Variants in OR9Q1 observed in about 807,000 individuals in gnomAD.
OR9Q1 encodes olfactory receptor 9Q1.
For missense variants in OR9Q1, 374 were observed against 378.8 expected (o/e 0.99, Z 0.11); for synonymous variants, 153 against 148.6 (o/e 1.03, Z -0.22).
chr11:58,087,743 G>A (rs1321359792), intron 2 of OR9Q1, among the ~76,000 whole-genome samples: 1 of 151,278 alleles, frequency 6.6e-6, no homozygotes, highest in East Asian at 1.9e-4. Flanking sequence ...AGGCCCCGGT[G>A]TGTGAGGTTC....
Position 58,163,936 on chromosome 11 carries a change from G to A in OR9Q1, c.-14-15495G>A, listed in dbSNP as rs1175745672. On this transcript the variant is annotated intron_variant, in intron 2 of 2. Transcript: ENST00000335397. ...GGCCCAACTGGGTGTACAGCTTTTA[G>A]AAATGGAGATTGAAGAGAAACCTTC... 3.9e-5 allele frequency among the ~76,000 whole-genome samples: 6 copies of A among 152,318 alleles called. No individual in the cohort carries two copies. The East Asian group carries it at 1.2e-3, about 29-fold the overall frequency.
At chr11:58,065,540 A>C (rs1417932650) in intron 2 of OR9Q1, among the ~76,000 whole-genome samples, 1 of 152,220 alleles carries the variant, frequency 6.6e-6, no homozygotes, top group East Asian at 1.9e-4. Context: ...AAACTAGTTA[A>C]GCCTTGGAAA....
At chr11:58,147,655 G>A (rs769768429) in intron 2 of OR9Q1, among the ~76,000 whole-genome samples, 43 of 152,250 alleles carry the variant, frequency 2.8e-4, no homozygotes, top group South Asian at 4.1e-4. Context: ...TATGCACCAA[G>A]TGGATAAAAA....
At chr11:58,113,628 G>A (rs1853923299) in intron 2 of OR9Q1, among the ~76,000 whole-genome samples, 1 of 152,206 alleles carries the variant, frequency 6.6e-6, no homozygotes, top group Non-Finnish European at 1.5e-5. Context: ...GCTTTGAGCA[G>A]TTGGTGATGG....
chr11:58,130,427 C>A (rs1854130619), intron 2 of OR9Q1, among the ~76,000 whole-genome samples: 1 of 152,046 alleles, frequency 6.6e-6, no homozygotes. Context: ...ATTTCCCTTC[C>A]TACACTGGAG....
chr11:58,047,009 A>C (rs946013482), intron 1 of OR9Q1, among the ~76,000 whole-genome samples: 1 of 152,248 alleles, frequency 6.6e-6, no homozygotes, highest in African/African-American at 2.4e-5. Context: ...ATAAGTCTGC[A>C]AGGCTAAATC....
intron 2 of OR9Q1, among the ~76,000 whole-genome samples, chr11:58,085,802 T>C (rs1853628737): frequency 6.6e-6 from 1 of 151,776 alleles, no homozygotes. Context: ...ATGACATCAG[T>C]AAGATGGAAG....
chr11:58,147,238 T>C lies in OR9Q1; in HGVS notation c.-14-32193T>C, dbSNP rs946500218. Among the ~76,000 whole-genome samples, 4 of 152,310 alleles carry C rather than the reference T, an allele frequency of 2.6e-5. No individual in the cohort carries two copies. In the East Asian group the frequency reaches 7.7e-4, roughly 29 times the overall value. On this transcript the variant is annotated intron_variant, in intron 2 of 2. Transcript: ENST00000335397. ...AATTAGGGAAATATGTTTTTGGTGA[T>C]GCCCACCTTTTCATTGGTCCACTCT...
intron 2 of OR9Q1, among the ~76,000 whole-genome samples, chr11:58,061,036 C>T (rs901993038): frequency 6.6e-6 from 1 of 152,140 alleles, no homozygotes; most frequent in Non-Finnish European, 1.5e-5. Flanking sequence ...TAAGCAGGAT[C>T]CATTCAATTT....
At chr11:58,078,108 G>A (rs950604668) in intron 2 of OR9Q1, 6 of 152,176 alleles carry the variant, frequency 3.9e-5, no homozygotes, top group African/African-American at 1.4e-4. Flanking sequence ...AGGTTGCCGT[G>A]AGCTGAGATC....
intron 1 of OR9Q1, chr11:58,030,803 A>G (rs1269601467): frequency 1.1e-5 from 7 of 631,042 alleles, no homozygotes. Context: ...ATGAACTGTG[A>G]ATTCTTTGAG....
chr11:58,126,943 T>A (rs544458494), intron 2 of OR9Q1, among the ~76,000 whole-genome samples: 1 of 149,226 alleles, frequency 6.7e-6, no homozygotes, highest in Admixed American at 6.6e-5. Flanking sequence ...TTATCTTTAA[T>A]ATTGTTATTG....
At chr11:58,078,060 G>A (rs1017188748) in intron 2 of OR9Q1, 1 of 152,286 alleles carries the variant, frequency 6.6e-6, no homozygotes, top group Non-Finnish European at 1.5e-5. Context: ...GGGTGGCTGA[G>A]GCATGAGAAA....
At chr11:58,149,765 C>T (rs1854331544) in intron 2 of OR9Q1, among the ~76,000 whole-genome samples, 1 of 152,174 alleles carries the variant, frequency 6.6e-6, no homozygotes, top group Non-Finnish European at 1.5e-5. Context: ...TCTCAAGGTT[C>T]ATGCATTTTG....
At chr11:58,052,618 G>GAAAA (rs1491177116) in intron 1 of OR9Q1, among the ~76,000 whole-genome samples, 1 of 5,026 alleles carries the variant, frequency 2.0e-4, no homozygotes, top group African/African-American at 3.0e-4. Context: ...AAGAAAAAAA[G>GAAAA]GAAAAAAAAA....
intron 2 of OR9Q1, among the ~76,000 whole-genome samples, chr11:58,095,798 T>C (rs1159250740): frequency 6.6e-6 from 1 of 152,148 alleles, no homozygotes; most frequent in Admixed American, 6.6e-5. Flanking sequence ...ACCATATCAG[T>C]GCTCTCTTAA....
chr11:58,135,425 T>C (rs1302524238), intron 2 of OR9Q1, among the ~76,000 whole-genome samples: 1 of 152,170 alleles, frequency 6.6e-6, no homozygotes, highest in East Asian at 1.9e-4. Context: ...CATTTAAACA[T>C]TCTGAGTCCA....
At chr11:58,161,742 G>A (rs1854459808) in intron 2 of OR9Q1, among the ~76,000 whole-genome samples, 1 of 152,140 alleles carries the variant, frequency 6.6e-6, no homozygotes, top group African/African-American at 2.4e-5. Context: ...CTGTTAGCCA[G>A]GCTGGTCTCG....
intron 2 of OR9Q1, among the ~76,000 whole-genome samples, chr11:58,176,515 C>A (rs1038245864): frequency 6.6e-6 from 1 of 152,186 alleles, no homozygotes; most frequent in African/African-American, 2.4e-5. Flanking sequence ...CAGGAAGAGG[C>A]TGTTCCCCAA....
Sources: allele counts gnomAD v4.1 joint callset (sites outside exome capture counted in the v4.1 genomes callset), GRCh38; gene constraint gnomAD v4.1.1; transcripts MANE v1.5; gene names NCBI Gene and HGNC (gene_info 2026-07-23, HGNC 2026-07-21).